ECHDC2: variants seen among roughly 807,000 people sequenced by gnomAD.
ECHDC2 encodes the protein enoyl-CoA hydratase domain containing 2.
ECHDC2 carries 34 observed loss-of-function variants against 40.6 expected under a neutral mutation model. The observed-to-expected ratio is 0.84, with a 90% CI of 0.64 to 1.11. The LOEUF (loss-of-function observed/expected upper bound fraction) is 1.11. Ranked by LOEUF, ECHDC2 falls within the 50% of genes most tolerant of loss-of-function variation. ECHDC2 has a pLI of 0.00. For missense variants in ECHDC2, 392 were observed against 400.7 expected (o/e 0.98, Z 0.19); for synonymous variants, 162 against 166.6 (o/e 0.97, Z 0.21).
rs557621954 is a variant in ECHDC2 at position 52,896,864 on chromosome 1, G to A, written c.802-267C>T. The stretch of plus-strand genomic sequence containing the variant: ...CATGCCTCCTGAGAACTCAGCTGCC[G>A]TCTGCAGTGGTCTGACATGAGGCTG... On this transcript the variant is annotated intron_variant, in intron 9 of 9. Coordinates refer to ENST00000371522, the MANE Select transcript of ECHDC2 (RefSeq NM_001198961.2). 7.1e-4 allele frequency: 325 copies of A among 456,400 alleles called. 1 individual carries two copies. The highest frequency in any genetic ancestry group is 3.8e-3 in the African/African-American group (198 of 51,792). 28.3% of individuals were successfully genotyped at this position (456,400 alleles called of 1,614,324 possible). A position where few individuals can be genotyped will look rare whatever the true frequency, so the allele number is the denominator to read the frequency against.
Position 52,914,879 on chromosome 1 carries a change from G to C in ECHDC2, c.122-3089C>G, listed in dbSNP as rs1557515073. Among the ~76,000 whole-genome samples, 2 of 151,934 alleles carry C rather than the reference G, an allele frequency of 1.3e-5. No individual in the cohort carries two copies. The highest frequency in any genetic ancestry group is 4.8e-5 in the African/African-American group (2 of 41,336). ...CCCTCGGATCACCCACCTGGCCCTC[G>C]AGTCCTCAGTCTTGCTCCCTCCCAG... On this transcript the variant is annotated intron_variant, in intron 1 of 9. Transcript: ENST00000371522. The surrounding 1 kb of genome is among the most constrained non-coding windows in gnomAD (Gnocchi z 4.0).
In ECHDC2 at chr1:52,921,446, C is replaced by T. The variant is rs1399489727; in HGVS notation, c.121+107G>A. ...GGCGCCTAGAACTGGGAGGGAGGGA[C>T]TGGGGATCGAATCCTTCAACGCACT... is the stretch of plus-strand genomic sequence containing the variant. On this transcript the variant is annotated intron_variant, in intron 1 of 9. Coordinates refer to ENST00000371522, the MANE Select transcript of ECHDC2 (RefSeq NM_001198961.2). 9 of 1,452,510 alleles carry T rather than the reference C, an allele frequency of 6.2e-6. No homozygotes were observed. In the East Asian group the frequency reaches 1.3e-4, roughly 21 times the overall value. The allele number at this position is 1,452,510 out of a possible 1,614,324, so 90.0% of individuals were successfully genotyped here.
At chr1:52,903,696 T>G (rs888777615) in intron 7 of ECHDC2, among the ~76,000 whole-genome samples, 1 of 151,872 alleles carries the variant, frequency 6.6e-6, no homozygotes, top group Non-Finnish European at 1.5e-5. Context: ...GCCCAGGAGT[T>G]TAAAACTGCA....
At chr1:52,903,156 C>T (rs947811873) in intron 7 of ECHDC2, among the ~76,000 whole-genome samples, 1 of 152,102 alleles carries the variant, frequency 6.6e-6, no homozygotes, top group African/African-American at 2.4e-5. Flanking sequence ...GGCTTTGGGC[C>T]CTGCAGCTGG....
intron 1 of ECHDC2, 49 bp from the exon 2 acceptor site, chr1:52,911,839 C>A: frequency 6.2e-7 from 1 of 1,606,652 alleles, no homozygotes; most frequent in Non-Finnish European, 8.5e-7. Context: ...TCTGCCTAAT[C>A]CTGGGCTGCG....
chr1:52,917,522 G>A (rs72897375), intron 1 of ECHDC2: 9,970 of 455,780 alleles, frequency 0.022, 853 homozygotes, highest in African/African-American at 0.18. Flanking sequence ...CACAGCTAGA[G>A]CAAAACACAG....
At chr1:52,919,789 T>A (rs1363043362) in intron 1 of ECHDC2, among the ~76,000 whole-genome samples, 1 of 152,222 alleles carries the variant, frequency 6.6e-6, no homozygotes, top group Non-Finnish European at 1.5e-5. Context: ...CCATGCCTCC[T>A]CTGCACTGTC....
rs1647099308 is a variant in ECHDC2 at position 52,903,200 on chromosome 1, C to T, written c.702+1446G>A. Among the ~76,000 whole-genome samples the T allele has an allele frequency of 2.0e-5, 3 of 151,978 alleles. No homozygotes were observed. The South Asian group carries it at 6.2e-4, about 32-fold the overall frequency. The stretch of plus-strand genomic sequence containing the variant: ...TACCTGGGCAGGGCCTGACCTGCTC[C>T]CTACTGAGCATGGTACCCTTTGGGG... On this transcript the variant is annotated intron_variant, in intron 7 of 9. Coordinates refer to ENST00000371522, the MANE Select transcript of ECHDC2 (RefSeq NM_001198961.2).
At chr1:52,916,094 C>T (rs761490815) in intron 1 of ECHDC2, among the ~76,000 whole-genome samples, 1 of 152,172 alleles carries the variant, frequency 6.6e-6, no homozygotes. Flanking sequence ...GGCCAACTCC[C>T]GACTGCAGCC....
chr1:52,921,139 C>T (rs1446911469), intron 1 of ECHDC2, among the ~76,000 whole-genome samples: 2 of 152,262 alleles, frequency 1.3e-5, no homozygotes, highest in African/African-American at 4.8e-5. Flanking sequence ...ACCCTCCTCA[C>T]TCTGCCCGCT....
At chr1:52,921,064 T>C (rs1417437374) in intron 1 of ECHDC2, among the ~76,000 whole-genome samples, 1 of 152,228 alleles carries the variant, frequency 6.6e-6, no homozygotes, top group Admixed American at 6.5e-5. Context: ...AGCGAACTTT[T>C]CCCTGGAGCC....
chr1:52,901,688 A>C (rs2150040323), intron 7 of ECHDC2: 1 of 152,326 alleles, frequency 6.6e-6, no homozygotes, highest in Non-Finnish European at 1.5e-5. Context: ...AGAAGGTCTC[A>C]ACTCTGGGAT....
At chr1:52,911,872 G>A in intron 1 of ECHDC2, 82 bp from the exon 2 acceptor site, 2 of 1,569,838 alleles carry the variant, frequency 1.3e-6, no homozygotes, top group Admixed American at 1.8e-5. Flanking sequence ...GAGGCAGGAG[G>A]CCTGGGATCT....
At chr1:52,907,800 G>T in intron 4 of ECHDC2, 68 bp downstream of exon 4, 1 of 1,320,602 alleles carries the variant, frequency 7.6e-7, no homozygotes, top group Non-Finnish European at 1.1e-6. Context: ...GATGCTGGTG[G>T]GGGTAGCGGG....
At chr1:52,921,411 A>G in intron 1 of ECHDC2, 142 bp downstream of exon 1, 1 of 1,420,300 alleles carries the variant, frequency 7.0e-7, no homozygotes, top group Non-Finnish European at 9.2e-7. Flanking sequence ...TCAGGCCTGG[A>G]GCGGTTTGGG....
intron 1 of ECHDC2, among the ~76,000 whole-genome samples, chr1:52,917,084 G>C (rs139181286): frequency 6.6e-6 from 1 of 152,090 alleles, no homozygotes; most frequent in Non-Finnish European, 1.5e-5. Context: ...TTAGCCAGGC[G>C]TGGTGGCACA....
At chr1:52,898,906 A>G in intron 8 of ECHDC2, 1 of 535,218 alleles carries the variant, frequency 1.9e-6, no homozygotes, top group Non-Finnish European at 3.4e-6. Flanking sequence ...ACTTCCTCTG[A>G]GACCTTGGGC....
intron 1 of ECHDC2, 141 bp downstream of exon 1, chr1:52,921,412 G>A (rs1003654608): frequency 3.0e-5 from 42 of 1,420,660 alleles, no homozygotes; most frequent in Middle Eastern, 1.9e-4. Context: ...CAGGCCTGGA[G>A]CGGTTTGGGG....
intron 1 of ECHDC2, among the ~76,000 whole-genome samples, chr1:52,916,233 A>G (rs1650633999): frequency 6.6e-6 from 1 of 152,214 alleles, no homozygotes; most frequent in African/African-American, 2.4e-5. Context: ...TTAGGTAGTA[A>G]TAGAAAGCTG....
Sources: allele counts gnomAD v4.1 joint callset (sites outside exome capture counted in the v4.1 genomes callset), GRCh38; gene constraint gnomAD v4.1.1; non-coding constraint Gnocchi (gnomAD v3.1); transcripts MANE v1.5; gene names NCBI Gene and HGNC (gene_info 2026-07-23, HGNC 2026-07-21).